DNAH11: variants seen among roughly 807,000 people sequenced by gnomAD.
The protein encoded by DNAH11 is dynein axonemal heavy chain 11, also known as axonemal beta dynein heavy chain 11.
Under a neutral mutation model 526.0 loss-of-function variants are expected in DNAH11, and 442 were observed. The ratio of observed to expected loss-of-function variants is 0.84; its 90% CI spans 0.78 to 0.91. DNAH11 has a LOEUF of 0.91. Among genes scored for constraint, DNAH11 ranks in the 40% least tolerant of loss-of-function variants. DNAH11 has a pLI of 0.00. For synonymous variants in DNAH11, 2,461 were observed against 1,935.9 expected (o/e 1.27, Z -7.12); for missense variants, 6,989 against 5,448.7 (o/e 1.28, Z -8.90).
chr7:21,573,707 G>C (rs892376086), intron 8 of DNAH11, among the ~76,000 whole-genome samples: 3 of 152,158 alleles, frequency 2.0e-5, no homozygotes, highest in Middle Eastern at 3.4e-3. Flanking sequence ...ATATTTGCAT[G>C]TACATATGAA....
rs535101434 is a variant in DNAH11, at chr7:21,894,571, A to G, written c.12751-52A>G. On this transcript the variant is annotated intron_variant, in intron 77 of 81. Coordinates refer to ENST00000409508, the MANE Select transcript of DNAH11 (RefSeq NM_001277115.2). ...AAAGTAGAGGATATACACAGTCACC[A>G]TGACGAAAACTGAAATAGAAAGGAG... The G allele has an allele frequency of 4.6e-5, 72 of 1,575,976 alleles. 1 individual carries two copies. In the African/African-American group the frequency reaches 4.9e-4, roughly 11 times the overall value.
chr7:21,677,606 A>C lies in DNAH11; in HGVS notation c.5329-3940A>C, dbSNP rs186696879. ...CACCCCATTGGCCAGGCTGGTCTTT[A>C]ACTCCTGACCTCAAGTGATCCACCT... On this transcript the variant is annotated intron_variant, in intron 30 of 81. Coordinates refer to ENST00000409508, the MANE Select transcript of DNAH11 (RefSeq NM_001277115.2). Among the ~76,000 whole-genome samples, 65 of 152,254 alleles carry C rather than the reference A, an allele frequency of 4.3e-4. No individual in the cohort carries two copies. In the East Asian group the frequency reaches 0.012, roughly 28 times the overall value.
intron 57 of DNAH11, among the ~76,000 whole-genome samples, chr7:21,782,333 C>A (rs181653307): frequency 9.8e-4 from 149 of 152,300 alleles, no homozygotes; most frequent in African/African-American, 3.5e-3. Context: ...ATAGGTTGAG[C>A]CTTGCTGACC....
At chr7:21,895,717 G>A (rs1156266473) in intron 79 of DNAH11, among the ~76,000 whole-genome samples, 2 of 152,008 alleles carry the variant, frequency 1.3e-5, no homozygotes, top group Non-Finnish European at 2.9e-5. Context: ...TTACATTGTA[G>A]CATGCACACT....
At chr7:21,770,012 C>T (rs12539745) in intron 55 of DNAH11, among the ~76,000 whole-genome samples, 26,307 of 152,066 alleles carry the variant, frequency 0.17, 2,609 homozygotes, top group Admixed American at 0.24. Context: ...CACCAGACAA[C>T]TCAAAACAAA....
rs1387513296 is a variant in DNAH11, at chr7:21,867,925, A to G, written c.11757A>G (p.Ala3919=). 3 of 1,578,082 alleles carry G rather than the reference A, an allele frequency of 1.9e-6. No homozygotes were observed. In the South Asian group the frequency reaches 3.5e-5, roughly 18 times the overall value. ...GGACCAGATTGGACTTAGTTAAAGC[A>G]TTCGAAGAAAGCAGCCCAGCCACCC... ...VERTRLDLVK[A]FEESSPATPI... Residue 3919 remains alanine (A), a synonymous_variant, in exon 72 of 82, where the codon GCA becomes GCG. Transcript: ENST00000409508.
At chr7:21,877,390 A>G (rs569749968) in intron 74 of DNAH11, among the ~76,000 whole-genome samples, 36 of 152,140 alleles carry the variant, frequency 2.4e-4, no homozygotes, top group African/African-American at 8.4e-4. Flanking sequence ...TTAAATCCAT[A>G]TTTTTAATCT....
chr7:21,797,141 C>G (rs1788755267), intron 61 of DNAH11, among the ~76,000 whole-genome samples: 1 of 151,812 alleles, frequency 6.6e-6, no homozygotes, highest in Non-Finnish European at 1.5e-5. Flanking sequence ...TTAAGAGTCC[C>G]TCAGAAAATA....
chr7:21,612,284 G>A (rs577488193), intron 20 of DNAH11, among the ~76,000 whole-genome samples: 4 of 152,066 alleles, frequency 2.6e-5, no homozygotes, highest in African/African-American at 9.7e-5. Flanking sequence ...GGCTGGGCAT[G>A]GTGGCTCACG....
chr7:21,734,891 A>C (rs577882434), intron 45 of DNAH11, among the ~76,000 whole-genome samples: 398 of 150,752 alleles, frequency 2.6e-3, no homozygotes, highest in African/African-American at 9.1e-3. Flanking sequence ...CTCACAATCA[A>C]CCGGGTGCAG....
chr7:21,883,603 C>T (rs896936156), intron 75 of DNAH11, among the ~76,000 whole-genome samples: 3 of 152,186 alleles, frequency 2.0e-5, no homozygotes, highest in Admixed American at 6.5e-5. Context: ...TCAGATAATA[C>T]AAGCTGATAT....
intron 28 of DNAH11, among the ~76,000 whole-genome samples, chr7:21,652,312 T>C (rs1332317489): frequency 6.6e-6 from 1 of 152,160 alleles, no homozygotes; most frequent in African/African-American, 2.4e-5. Flanking sequence ...TGACTTCACA[T>C]TGAAGAGAAT....
intron 40 of DNAH11, among the ~76,000 whole-genome samples, chr7:21,708,908 C>T (rs1271962523): frequency 3.9e-5 from 6 of 152,072 alleles, no homozygotes; most frequent in African/African-American, 1.4e-4. Context: ...TCATACCAGT[C>T]AGAAAGACTA....
At chr7:21,846,532 C>T (rs1446177602) in intron 66 of DNAH11, among the ~76,000 whole-genome samples, 2 of 152,100 alleles carry the variant, frequency 1.3e-5, no homozygotes. Flanking sequence ...CACTTTTGAA[C>T]CAGACTTGCA....
intron 62 of DNAH11, among the ~76,000 whole-genome samples, chr7:21,802,779 C>A (rs1423717996): frequency 2.6e-5 from 4 of 151,800 alleles, no homozygotes; most frequent in Non-Finnish European, 5.9e-5. Context: ...TATGAAATGT[C>A]CAGAACAGGA....
At chr7:21,767,659 C>G (rs979760711) in intron 55 of DNAH11, among the ~76,000 whole-genome samples, 1 of 152,168 alleles carries the variant, frequency 6.6e-6, no homozygotes, top group South Asian at 2.1e-4. Context: ...TCAGTGCAAG[C>G]TGCTTATTTA....
intron 25 of DNAH11, among the ~76,000 whole-genome samples, chr7:21,634,978 A>G (rs914304352): frequency 6.6e-6 from 1 of 152,196 alleles, no homozygotes; most frequent in African/African-American, 2.4e-5. Context: ...TGAGAAACAA[A>G]AACCACATTA....
In DNAH11 at chr7:21,698,060, T is replaced by A. The variant is rs754719730; in HGVS notation, c.6042-15T>A. On this transcript the variant is annotated splice_polypyrimidine_tract_variant and intron_variant, in intron 35 of 81. Transcript: ENST00000409508. ...TTGTCACATTTTAAAACTAAAATTC[T>A]TATTTACTTTTTAGACCCTGTGCCA... 2 of 1,597,092 alleles carry A rather than the reference T, an allele frequency of 1.3e-6. No individual in the cohort carries two copies. Among genetic ancestry groups the A allele is most frequent in the South Asian group, 2.3e-5 (2 of 87,328 alleles).
At chr7:21,608,708 G>A (rs553525713) in intron 20 of DNAH11, among the ~76,000 whole-genome samples, 38 of 152,302 alleles carry the variant, frequency 2.5e-4, no homozygotes, top group African/African-American at 9.1e-4. Flanking sequence ...TGAACAGATT[G>A]TGGATGGGGA....
Sources: allele counts gnomAD v4.1 joint callset (sites outside exome capture counted in the v4.1 genomes callset), GRCh38; gene constraint gnomAD v4.1.1; transcripts MANE v1.5; gene names NCBI Gene and HGNC (gene_info 2026-07-23, HGNC 2026-07-21).